The following SLC12A2 variants were observed in gnomAD, a reference collection of about 807,000 sequenced individuals.
SLC12A2 encodes Na-K-2Cl cotransporter 1.
Under a neutral mutation model 136.3 loss-of-function variants are expected in SLC12A2, and 67 were observed. The observed-to-expected ratio is 0.49, with a 90% confidence interval of 0.40 to 0.60. The LOEUF is 0.60. SLC12A2 is among the 20% of genes least tolerant of loss of function. The probability of loss-of-function intolerance (pLI) is 0.00; values close to 1 mark genes in which losing one functional copy is unlikely to be tolerated. For synonymous variants in SLC12A2, 619 were observed against 562.9 expected (o/e 1.10, Z -1.41); for missense variants, 1,322 against 1,534.7 (o/e 0.86, Z 2.32).
chr5:128,168,755 G>A (rs1220452774), intron 18 of SLC12A2: 1 of 152,108 alleles, frequency 6.6e-6, no homozygotes, highest in African/African-American at 2.4e-5. Context: ...GCACTCCTTT[G>A]AGCAATTGGT....
intron 4 of SLC12A2, among the ~76,000 whole-genome samples, chr5:128,121,329 C>T (rs1761569587): frequency 6.6e-6 from 1 of 151,716 alleles, no homozygotes; most frequent in African/African-American, 2.4e-5. Context: ...ATTTTTATTA[C>T]CGTTTTTTTT....
intron 17 of SLC12A2, 135 bp downstream of exon 17, chr5:128,161,935 T>A: frequency 1.8e-6 from 1 of 545,980 alleles, no homozygotes; most frequent in Non-Finnish European, 2.9e-6. Context: ...TAAAGTAAAC[T>A]ACTTTGGCTC....
intron 10 of SLC12A2, among the ~76,000 whole-genome samples, chr5:128,147,265 AC>A (rs1340110574): frequency 5.3e-5 from 8 of 151,782 alleles, no homozygotes; most frequent in Admixed American, 2.0e-4. Context: ...TGTTAGAGAT[AC>A]GTACTGACAT....
chr5:128,133,414 T>C (rs958231811), intron 5 of SLC12A2, among the ~76,000 whole-genome samples: 3 of 152,128 alleles, frequency 2.0e-5, no homozygotes, highest in African/African-American at 4.8e-5. Flanking sequence ...AATTGACTTT[T>C]ATGAAATAAT....
rs138341229 is a variant in SLC12A2, at chr5:128,161,677, C to A, written c.2493C>A (p.Ala831=). The change falls in exon 17 of 27, where the codon GCC becomes GCA. Residue 831 remains alanine, a synonymous_variant. Coordinates refer to ENST00000262461, the MANE Select transcript of SLC12A2 (RefSeq NM_001046.3). ...GHVHMGPRRQ[A]MKEMSIDQAK... ...ATTCAAAGGGTCCTCGAAGACAAGC[C>A]ATGAAAGAGATGTCCATCGATCAAG... 51 of 1,448,038 alleles carry A rather than the reference C, an allele frequency of 3.5e-5. No individual in the cohort carries two copies. The African/African-American group carries it at 7.4e-4, about 21-fold the overall frequency. 89.7% of individuals were successfully genotyped at this position (1,448,038 alleles called of 1,614,324 possible).
chr5:128,101,834 C>T (rs1760749824), intron 1 of SLC12A2, among the ~76,000 whole-genome samples: 2 of 152,186 alleles, frequency 1.3e-5, no homozygotes, highest in Admixed American at 6.5e-5. Flanking sequence ...ATTAAAGCCA[C>T]ATTCTTGTGC....
chr5:128,174,712 A>C, intron 20 of SLC12A2, 46 bp downstream of exon 20: 1 of 1,391,452 alleles, frequency 7.2e-7, no homozygotes, highest in Non-Finnish European at 9.8e-7. Flanking sequence ...TAATGTTTTA[A>C]TTTGGGAGAA....
At chr5:128,104,814 CT>C (rs949864706) in intron 1 of SLC12A2, among the ~76,000 whole-genome samples, 3 of 151,844 alleles carry the variant, frequency 2.0e-5, no homozygotes, top group African/African-American at 7.3e-5. Context: ...GCTGTATACC[CT>C]GGGAGGTATT....
intron 7 of SLC12A2, 77 bp from the exon 8 acceptor site, chr5:128,138,520 A>G: frequency 7.6e-7 from 1 of 1,322,500 alleles, no homozygotes; most frequent in East Asian, 2.3e-5. Flanking sequence ...GGTCATGTAT[A>G]CCTATTATTC....
chr5:128,181,445 T>G (rs887339054), intron 23 of SLC12A2, among the ~76,000 whole-genome samples: 2 of 152,196 alleles, frequency 1.3e-5, no homozygotes, highest in Non-Finnish European at 2.9e-5. Flanking sequence ...GCTCTCTAAG[T>G]ACTCTTGTTT....
At chr5:128,155,148 G>A (rs1414641313) in intron 15 of SLC12A2, among the ~76,000 whole-genome samples, 1 of 152,086 alleles carries the variant, frequency 6.6e-6, no homozygotes, top group Non-Finnish European at 1.5e-5. Flanking sequence ...TGGATAAAGG[G>A]AGAATTTATG....
intron 1 of SLC12A2, chr5:128,110,055 C>T (rs1761086744): frequency 2.0e-6 from 2 of 1,007,512 alleles, no homozygotes; most frequent in Non-Finnish European, 3.2e-6. Context: ...GAGCCTGTGT[C>T]ACTACACCTT....
intron 1 of SLC12A2, among the ~76,000 whole-genome samples, chr5:128,104,948 G>A (rs1254800126): frequency 6.6e-6 from 1 of 152,112 alleles, no homozygotes; most frequent in Non-Finnish European, 1.5e-5. Context: ...ACAAAGGAAT[G>A]AGGGAAATAG....
In SLC12A2 at chr5:128,084,497, G is replaced by T. The variant is rs776878459; in HGVS notation, c.543G>T (p.Glu181Asp). Residue 181 changes from glutamate (E) to aspartate (D), a missense_variant, in exon 1 of 27, where the codon GAG becomes GAT. Physicochemically the swap from Glu to Asp is conservative, Grantham distance 45. Around this residue, in one of 8 missense-constraint regions of SLC12A2, gnomAD observed 358 missense variants for 299.7 expected, o/e 1.19. Coordinates refer to ENST00000262461, the MANE Select transcript of SLC12A2 (RefSeq NM_001046.3). This position sits in a 1 kb window ranked among gnomAD's most constrained non-coding sequence, Gnocchi z 5.6. Reference sequence around the variant, plus strand: ...ACGGCGGGGACACGGTGCTGAGCGAGGGCAGCAGCCTGCACTCCGGCGGCG... The same window carrying T: ...ACGGCGGGGACACGGTGCTGAGCGATGGCAGCAGCCTGCACTCCGGCGGCG... Reference protein sequence around the residue: ...FQNGGDTVLSEGSSLHSGGGG... With the variant: ...FQNGGDTVLSDGSSLHSGGGG... 1 of 1,612,198 alleles carries T rather than the reference G, an allele frequency of 6.2e-7. No individual in the cohort carries two copies. Among genetic ancestry groups the T allele is most frequent in the Non-Finnish European group, 8.5e-7 (1 of 1,179,620 alleles).
chr5:128,138,625 C>T lies in SLC12A2; in HGVS notation c.1437C>T (p.Pro479=), dbSNP rs758460805. ...KSEIFNENFG[P]DFREEETFFS... is the part of the protein sequence containing the mutation. ...AAATATTTAATGAGAACTTTGGGCC[C>T]GATTTTCGAGAGGAAGAGACTTTCT... is the stretch of plus-strand genomic sequence containing the variant. The change falls in exon 8 of 27, where the codon CCC becomes CCT. Residue 479 remains proline (P), a synonymous_variant. Transcript: ENST00000262461. The T allele has an allele frequency of 8.1e-6, 13 of 1,611,292 alleles. No homozygotes were observed. The highest frequency in any genetic ancestry group is 2.2e-5 in the East Asian group (1 of 44,826).
At chr5:128,168,095 C>T (rs1048933101) in intron 18 of SLC12A2, 1 of 353,212 alleles carries the variant, frequency 2.8e-6, no homozygotes, top group Non-Finnish European at 5.0e-6. Flanking sequence ...TATACACACA[C>T]ACACACATAT....
intron 17 of SLC12A2, among the ~76,000 whole-genome samples, chr5:128,165,041 C>G (rs756508774): frequency 1.6e-4 from 24 of 151,892 alleles, no homozygotes; most frequent in Non-Finnish European, 3.1e-4. Flanking sequence ...TGAGGTTTCA[C>G]CATGTTGCTC....
At chr5:128,162,400 AT>A (rs1354984112) in intron 17 of SLC12A2, among the ~76,000 whole-genome samples, 1 of 152,150 alleles carries the variant, frequency 6.6e-6, no homozygotes, top group African/African-American at 2.4e-5. Context: ...ATGAAAAAAA[AT>A]ACTAGATCCT....
chr5:128,095,950 T>G (rs1217763335), intron 1 of SLC12A2, among the ~76,000 whole-genome samples: 1 of 152,188 alleles, frequency 6.6e-6, no homozygotes, highest in African/African-American at 2.4e-5. Flanking sequence ...TGAAATACCC[T>G]GATATTGACA....
Sources: allele counts gnomAD v4.1 joint callset (sites outside exome capture counted in the v4.1 genomes callset), GRCh38; gene constraint gnomAD v4.1.1; regional missense constraint gnomAD v4.1.1; non-coding constraint Gnocchi (gnomAD v3.1); transcripts MANE v1.5; gene names NCBI Gene and HGNC (gene_info 2026-07-23, HGNC 2026-07-21).